The following AGMO variants were observed in gnomAD, a reference collection of about 807,000 sequenced individuals.
The protein encoded by AGMO is glyceryl-ether monooxygenase.
A neutral mutation model predicts 60.2 loss-of-function variants in AGMO; 75 were observed. That is an observed-to-expected ratio of 1.25 (90% confidence interval 1.03 to 1.51). The LOEUF is 1.51. AGMO is among the 40% of genes most tolerant of loss of function. The pLI is 0.00. For synonymous variants in AGMO, 261 were observed against 177.1 expected (o/e 1.47, Z -3.76); for missense variants, 763 against 525.5 (o/e 1.45, Z -4.42).
intron 2 of AGMO, among the ~76,000 whole-genome samples, chr7:15,552,394 T>A (rs968311434): frequency 1.3e-5 from 2 of 152,030 alleles, no homozygotes; most frequent in African/African-American, 4.8e-5. Context: ...ACCTACAAAA[T>A]GGGAGAAGAT....
the AGMO span, among the ~76,000 whole-genome samples, chr7:15,131,502 G>C: frequency 1.3e-5 from 2 of 152,020 alleles, no homozygotes; most frequent in Non-Finnish European, 2.9e-5. Context: ...CCAAAGATAA[G>C]TTGAAATCAT....
chr7:15,483,720 T>A (rs1013720886), intron 3 of AGMO, among the ~76,000 whole-genome samples: 3 of 152,204 alleles, frequency 2.0e-5, no homozygotes, highest in African/African-American at 7.2e-5. Context: ...TATTCTAGAT[T>A]GGAAAACTTG....
chr7:15,385,353 A>C (rs1446480347), intron 10 of AGMO, 93 bp downstream of exon 10: 2 of 847,588 alleles, frequency 2.4e-6, no homozygotes, highest in Non-Finnish European at 3.8e-6. Context: ...ACTACAGAGA[A>C]TATATGACAG....
chr7:15,379,020 T>A (rs747445557), intron 10 of AGMO, among the ~76,000 whole-genome samples: 3 of 151,880 alleles, frequency 2.0e-5, no homozygotes, highest in Non-Finnish European at 2.9e-5. Flanking sequence ...TTTCGGTAAA[T>A]GATGAAATTA....
chr7:15,324,706 G>T (rs1441397183), intron 12 of AGMO, among the ~76,000 whole-genome samples: 1 of 152,166 alleles, frequency 6.6e-6, no homozygotes, highest in Non-Finnish European at 1.5e-5. Context: ...GTTTCAGGAA[G>T]AAACTGTTCC....
chr7:15,518,976 G>A (rs1418195658), intron 3 of AGMO, among the ~76,000 whole-genome samples: 2 of 151,522 alleles, frequency 1.3e-5, no homozygotes, highest in Admixed American at 1.3e-4. Flanking sequence ...GAACAGAAAT[G>A]ATCTAATGGA....
intron 12 of AGMO, among the ~76,000 whole-genome samples, chr7:15,289,900 C>T (rs1414908017): frequency 1.5e-5 from 2 of 134,760 alleles, no homozygotes; most frequent in Middle Eastern, 3.9e-3. Context: ...TTTTGAGTGG[C>T]TGTTGTAGCA....
At chr7:15,505,354 T>C (rs534804546) in intron 3 of AGMO, among the ~76,000 whole-genome samples, 3 of 152,096 alleles carry the variant, frequency 2.0e-5, no homozygotes, top group South Asian at 2.1e-4. Flanking sequence ...CTTGTATTCA[T>C]GTAAGAGAAT....
At chr7:15,449,365 C>T (rs551904508) in intron 3 of AGMO, among the ~76,000 whole-genome samples, 97 of 144,432 alleles carry the variant, frequency 6.7e-4, no homozygotes, top group African/African-American at 2.3e-3. Context: ...TCTCTCTGTA[C>T]ATGTATAAAC....
At chr7:15,275,466 T>G (rs565117995) in intron 12 of AGMO, among the ~76,000 whole-genome samples, 1 of 152,276 alleles carries the variant, frequency 6.6e-6, no homozygotes, top group East Asian at 1.9e-4. Flanking sequence ...CTTAATCTCA[T>G]GTGGTTGACT....
chr7:15,293,006 G>C (rs532048488), intron 12 of AGMO, among the ~76,000 whole-genome samples: 1 of 151,832 alleles, frequency 6.6e-6, no homozygotes, highest in Non-Finnish European at 1.5e-5. Context: ...CAGGTGATCA[G>C]CCCTACTTGG....
intron 12 of AGMO, among the ~76,000 whole-genome samples, chr7:15,206,514 G>C (rs972280118): frequency 6.6e-6 from 1 of 151,864 alleles, no homozygotes; most frequent in Non-Finnish European, 1.5e-5. Context: ...GGCCTTTTAA[G>C]GTTTTTTCCT....
intron 12 of AGMO, among the ~76,000 whole-genome samples, chr7:15,278,567 G>A (rs1027210624): frequency 3.3e-5 from 5 of 152,100 alleles, no homozygotes; most frequent in Non-Finnish European, 7.4e-5. Context: ...ACTCTCGGGT[G>A]ATGGGAGCTC....
chr7:15,457,351 T>C (rs538975780), intron 3 of AGMO, among the ~76,000 whole-genome samples: 1 of 152,262 alleles, frequency 6.6e-6, no homozygotes, highest in East Asian at 1.9e-4. Flanking sequence ...TAAAGAAACA[T>C]AGTTAATTTT....
chr7:15,361,071 TG>T lies in AGMO; in HGVS notation c.1263+4442del, dbSNP rs373475730. Among the ~76,000 whole-genome samples, 309 of 152,282 alleles carry T rather than the reference TG, an allele frequency of 2.0e-3. 1 individual carries two copies. The highest frequency in any genetic ancestry group is 7.1e-3 in the African/African-American group (295 of 41,566). On this transcript the variant is annotated intron_variant, in intron 12 of 12. Coordinates refer to ENST00000342526, the MANE Select transcript of AGMO (RefSeq NM_001004320.2). Reference sequence around the variant, plus strand: ...TTTCTGGAAATCATTTGTTACTAAGTGATGCCTTATATGAATAGGAGCCATA... The same window carrying T: ...TTTCTGGAAATCATTTGTTACTAAGTATGCCTTATATGAATAGGAGCCATA...
intron 10 of AGMO, among the ~76,000 whole-genome samples, chr7:15,367,060 TA>T (rs1401529254): frequency 6.6e-6 from 1 of 152,026 alleles, no homozygotes; most frequent in Non-Finnish European, 1.5e-5. Flanking sequence ...ACATTCTGTA[TA>T]AAAACTAATT....
chr7:15,559,255 A>G (rs1785237328), intron 2 of AGMO, among the ~76,000 whole-genome samples: 1 of 152,132 alleles, frequency 6.6e-6, no homozygotes, highest in African/African-American at 2.4e-5. Context: ...TATTAAGAAC[A>G]TACACCTCTT....
chr7:15,259,667 G>T (rs958765829), intron 12 of AGMO, among the ~76,000 whole-genome samples: 10 of 151,906 alleles, frequency 6.6e-5, no homozygotes, highest in Admixed American at 5.9e-4. Flanking sequence ...AAAAGCATCA[G>T]GTCACCTATA....
At chr7:15,507,904 G>A (rs78562922) in intron 3 of AGMO, among the ~76,000 whole-genome samples, 1 of 152,062 alleles carries the variant, frequency 6.6e-6, no homozygotes, top group Non-Finnish European at 1.5e-5. Flanking sequence ...ATGTGGATAT[G>A]AAAGGGGTGG....
Sources: allele counts gnomAD v4.1 joint callset (sites outside exome capture counted in the v4.1 genomes callset), GRCh38; gene constraint gnomAD v4.1.1; transcripts MANE v1.5; gene names NCBI Gene and HGNC (gene_info 2026-07-23, HGNC 2026-07-21).